SLC46A3: variants seen among roughly 807,000 people sequenced by gnomAD.
The protein encoded by SLC46A3 is solute carrier family 46 member 3.
In SLC46A3, 26 loss-of-function variants were observed where a neutral mutation model predicts 38.5. The ratio of observed to expected loss-of-function variants is 0.68; its 90% confidence interval spans 0.49 to 0.94. SLC46A3 has a LOEUF of 0.94. SLC46A3 is among the 40% of genes least tolerant of loss of function. The probability of loss-of-function intolerance (pLI) is 0.00; values close to 1 mark genes in which losing one functional copy is unlikely to be tolerated. For synonymous variants in SLC46A3, 185 were observed against 192.5 expected (o/e 0.96, Z 0.32); for missense variants, 510 against 544.3 (o/e 0.94, Z 0.63).
At chr13:28,708,633 G>A (rs368912676) in intron 4 of SLC46A3, among the ~76,000 whole-genome samples, 2 of 40,252 alleles carry the variant, frequency 5.0e-5, no homozygotes, top group Non-Finnish European at 1.1e-4. Context: ...TTTTTTTTTT[G>A]TATTTTTAGT....
intron 4 of SLC46A3, among the ~76,000 whole-genome samples, chr13:28,708,689 A>G (rs1772360): frequency 0.87 from 128,811 of 148,348 alleles, 56,632 homozygotes; most frequent in Non-Finnish European, 0.94. Context: ...TCAAACTCCT[A>G]ACCTCGGGTC....
chr13:28,716,702 G>C (rs138795379), intron 2 of SLC46A3, among the ~76,000 whole-genome samples: 172 of 152,162 alleles, frequency 1.1e-3, no homozygotes, highest in African/African-American at 4.0e-3. Flanking sequence ...ATGAGGAAAT[G>C]AGTAAGATTA....
intron 4 of SLC46A3, chr13:28,704,511 G>GA: frequency 6.4e-6 from 1 of 156,142 alleles, no homozygotes; most frequent in South Asian, 2.0e-4. Context: ...TGTGACACCT[G>GA]AAAGCACAGG....
At chr13:28,714,569 C>T (rs1256743968) in intron 2 of SLC46A3, among the ~76,000 whole-genome samples, 2 of 152,078 alleles carry the variant, frequency 1.3e-5, no homozygotes, top group Non-Finnish European at 2.9e-5. Context: ...GCCAACATGG[C>T]AAAACCCTGT....
At chr13:28,709,322 CAAA>C (rs11321003) in intron 4 of SLC46A3, among the ~76,000 whole-genome samples, 18 of 130,242 alleles carry the variant, frequency 1.4e-4, no homozygotes, top group Admixed American at 2.3e-4. Context: ...AACTCCGTCT[CAAA>C]AAAAAAAAAA....
rs186573764 is a variant in SLC46A3, at chr13:28,714,573, A to T, written c.190-1023T>A. Among the ~76,000 whole-genome samples the T allele has an allele frequency of 5.3e-4, 80 of 152,246 alleles. No individual in the cohort carries two copies. The East Asian group carries it at 0.015, about 29-fold the overall frequency. On this transcript the variant is annotated intron_variant, in intron 2 of 5. Transcript: ENST00000266943. ...AGACCAGCCTGGCCAACATGGCAAA[A>T]CCCTGTCTCTACTAAAAATACAAAA...
chr13:28,712,394 A>G (rs1166215517), intron 3 of SLC46A3, among the ~76,000 whole-genome samples: 1 of 152,234 alleles, frequency 6.6e-6, no homozygotes, highest in African/African-American at 2.4e-5. Context: ...TCTTCACTTT[A>G]ATGAAAGCTA....
In SLC46A3 at chr13:28,713,076, C is replaced by G. The variant is rs762153542; in HGVS notation, c.664G>C (p.Val222Leu). Residue 222 changes from valine to leucine, a missense_variant, in exon 3 of 6, where the codon GTG becomes CTG. By Grantham distance (32) the Val-to-Leu change is conservative. Transcript: ENST00000266943. ...ACATTCTGAGATGAACACTCTTTCACTGGATCTCCGAGAAAAAATAAAATA... is the reference window on the plus strand; with the variant it reads ...ACATTCTGAGATGAACACTCTTTCAGTGGATCTCCGAGAAAAAATAAAATA... ...IYILFFLGDP[V>L]KECSSQNVTM... 13 of 1,611,216 alleles carry G rather than the reference C, an allele frequency of 8.1e-6. No homozygotes were observed. The highest frequency in any genetic ancestry group is 1.3e-5 in the African/African-American group (1 of 74,688).
intron 4 of SLC46A3, among the ~76,000 whole-genome samples, chr13:28,708,849 A>G (rs1011876126): frequency 4.0e-5 from 6 of 151,690 alleles, no homozygotes; most frequent in African/African-American, 1.5e-4. Context: ...TAATCTATCA[A>G]TTTTTCCTTT....
intron 3 of SLC46A3, 97 bp from the exon 4 acceptor site, chr13:28,710,940 T>C: frequency 1.2e-6 from 1 of 806,466 alleles, no homozygotes; most frequent in Non-Finnish European, 2.0e-6. Flanking sequence ...TACTTCCTTT[T>C]CTACAAGCAT....
chr13:28,718,631 G>C lies in SLC46A3; in HGVS notation c.-160C>G, dbSNP rs1035640468. On this transcript the variant is annotated 5_prime_UTR_variant, in exon 1 of 6. Transcript: ENST00000266943. Reference sequence around the variant, plus strand: ...ACTGGGGCAACAGAGGACGCGCCGGGGACAGTAACCTCGGACTACGCGGCC... The same window carrying C: ...ACTGGGGCAACAGAGGACGCGCCGGCGACAGTAACCTCGGACTACGCGGCC... The C allele has an allele frequency of 2.0e-5, 3 of 152,344 alleles. No individual in the cohort carries two copies. The highest frequency in any genetic ancestry group is 7.2e-5 in the African/African-American group (3 of 41,468). 9.4% of individuals were successfully genotyped at this position (152,344 alleles called of 1,614,324 possible).
intron 1 of SLC46A3, 90 bp from the exon 2 acceptor site, chr13:28,718,112 T>A: frequency 9.6e-7 from 1 of 1,045,762 alleles, no homozygotes; most frequent in Non-Finnish European, 1.4e-6. Flanking sequence ...TTTTGTGGAG[T>A]AAATGTTTAA....
intron 4 of SLC46A3, among the ~76,000 whole-genome samples, chr13:28,707,414 G>T (rs71433280): frequency 1.6e-5 from 2 of 127,770 alleles, no homozygotes; most frequent in Non-Finnish European, 3.4e-5. Flanking sequence ...GTGGGGGGAG[G>T]GAGGAGGGGG....
Position 28,701,567 on chromosome 13 carries a change from G to T in SLC46A3, c.1316C>A (p.Thr439Asn). The T allele has an allele frequency of 6.2e-7, 1 of 1,613,072 alleles. No individual in the cohort carries two copies. The highest frequency in any genetic ancestry group is 1.7e-4 in the Middle Eastern group (1 of 6,052). Residue 439 changes from threonine (T) to asparagine (N), a missense_variant, in exon 6 of 6, where the codon ACC (threonine) becomes AAC (asparagine). Thr to Asn is a moderately conservative substitution (Grantham distance 65). Transcript: ENST00000266943. ...PAISLCVVKC[T>N]SWNEGSYELL... is the part of the protein sequence containing the mutation. ...TTCATAGCTTCCCTCATTCCAGCTG[G>T]TACACTTGACAACACTATAAAAGGA...
At chr13:28,708,227 T>G (rs1259521167) in intron 4 of SLC46A3, among the ~76,000 whole-genome samples, 1 of 152,210 alleles carries the variant, frequency 6.6e-6, no homozygotes, top group Non-Finnish European at 1.5e-5. Context: ...ACTAACTTTC[T>G]GAGGAACTGC....
intron 4 of SLC46A3, among the ~76,000 whole-genome samples, chr13:28,707,819 C>T (rs559753528): frequency 6.6e-6 from 1 of 152,232 alleles, no homozygotes; most frequent in African/African-American, 2.4e-5. Flanking sequence ...ACTGTATACC[C>T]ATAAGTAGTC....
intron 3 of SLC46A3, 167 bp downstream of exon 3, chr13:28,712,513 T>A: frequency 1.9e-6 from 1 of 530,046 alleles, no homozygotes. Context: ...TAAAGTGAAT[T>A]CGGCTTTTGG....
Position 28,701,231 on chromosome 13 carries a change from C to T in SLC46A3, c.*266G>A. 3.6e-6 allele frequency: 5 copies of T among 1,389,996 alleles called. No individual in the cohort carries two copies. The South Asian group carries it at 5.4e-5, about 15-fold the overall frequency. 86.1% of individuals were successfully genotyped at this position (1,389,996 alleles called of 1,614,324 possible). A position where few individuals can be genotyped will look rare whatever the true frequency, so the allele number is the denominator to read the frequency against. ...CTTACACCCTTAAGTTTTAATGTTT[C>T]TCTTCTAAGTCTAAAAGTGAGGCGT... On this transcript the variant is annotated 3_prime_UTR_variant, in exon 6 of 6. Transcript: ENST00000266943.
chr13:28,705,681 A>T (rs2137824158), intron 4 of SLC46A3, among the ~76,000 whole-genome samples: 1 of 152,326 alleles, frequency 6.6e-6, no homozygotes, highest in East Asian at 1.9e-4. Flanking sequence ...AATGAATCAA[A>T]GCTTAATTCA....
Sources: allele counts gnomAD v4.1 joint callset (sites outside exome capture counted in the v4.1 genomes callset), GRCh38; gene constraint gnomAD v4.1.1; transcripts MANE v1.5; gene names NCBI Gene and HGNC (gene_info 2026-07-23, HGNC 2026-07-21).